Variants in R3HDM1 observed in about 807,000 individuals in gnomAD.
R3HDM1 encodes R3H domain containing 1.
R3HDM1 carries 46 observed loss-of-function variants against 141.1 expected under a neutral mutation model. That is an observed-to-expected ratio of 0.33 (90% CI 0.26 to 0.42). R3HDM1 has a LOEUF of 0.42. R3HDM1 is among the 10% of genes least tolerant of loss of function. The pLI, the probability that R3HDM1 is intolerant of heterozygous loss-of-function variation, is 1.00. For synonymous variants in R3HDM1, 435 were observed against 472.9 expected, an observed-to-expected ratio of 0.92 and a Z score of 1.04; for missense variants, 1,184 against 1,368.3, an observed-to-expected ratio of 0.87 and a Z score of 2.12.
intron 21 of R3HDM1, among the ~76,000 whole-genome samples, chr2:135,691,834 A>C (rs2072437635): frequency 6.6e-6 from 1 of 152,302 alleles, no homozygotes; most frequent in Admixed American, 6.5e-5. Context: ...CTGGAGTTAA[A>C]TAGTAAAATT....
chr2:135,704,658 A>G (rs1300073159), intron 21 of R3HDM1, among the ~76,000 whole-genome samples: 1 of 151,564 alleles, frequency 6.6e-6, no homozygotes, highest in African/African-American at 2.4e-5. Context: ...TTTAGCAGAG[A>G]TAGGGTTTCA....
Position 135,676,195 on chromosome 2 carries a change from G to A in R3HDM1, c.2307+709G>A, listed in dbSNP as rs555507045. ...ACAAAAAATAGCTAGGCAAGGTGGC[G>A]GGGCCTATAATTCCAGCTACTCGGG... On this transcript the variant is annotated intron_variant, in intron 20 of 26. Coordinates refer to ENST00000683871, the MANE Select transcript of R3HDM1 (RefSeq NM_001378107.1). 3.9e-4 allele frequency among the ~76,000 whole-genome samples: 60 copies of A among 152,120 alleles called. No individual in the cohort carries two copies. In the South Asian group the frequency reaches 5.8e-3, roughly 15 times the overall value.
rs1355488549 is a variant in R3HDM1 at position 135,621,385 on chromosome 2, A to G, written c.304-109A>G. ...AGTTTGAAGAATCCAGTTGGGTAAAATAATCTTTTTCCTCTGTACAATTCT... is the reference window on the plus strand; with the variant it reads ...AGTTTGAAGAATCCAGTTGGGTAAAGTAATCTTTTTCCTCTGTACAATTCT... On this transcript the variant is annotated intron_variant, in intron 5 of 26. Coordinates refer to ENST00000683871, the MANE Select transcript of R3HDM1 (RefSeq NM_001378107.1). 8.5e-6 allele frequency: 5 copies of G among 585,268 alleles called. No homozygotes were observed. The South Asian group carries it at 2.5e-4, about 29-fold the overall frequency. 36.3% of individuals were successfully genotyped at this position (585,268 alleles called of 1,614,324 possible). A position where few individuals can be genotyped will look rare whatever the true frequency, so the allele number is the denominator to read the frequency against.
intron 15 of R3HDM1, among the ~76,000 whole-genome samples, chr2:135,644,187 TAAG>T (rs893407614): frequency 2.0e-5 from 3 of 152,154 alleles, no homozygotes; most frequent in Non-Finnish European, 4.4e-5. Flanking sequence ...CTTTTTGTAA[TAAG>T]AAAAAGTTGT....
chr2:135,562,055 C>G (rs1701901075), intron 1 of R3HDM1, among the ~76,000 whole-genome samples: 1 of 152,156 alleles, frequency 6.6e-6, no homozygotes, highest in Non-Finnish European at 1.5e-5. Flanking sequence ...AGTCTAGATA[C>G]CGTTAACACA....
At position 135,695,106 on chromosome 2, in the gene R3HDM1, A is replaced by T. The variant is rs76492773; in HGVS notation, c.2460-14327A>T. ...AAGGCTGCTGTCGTCCTGCCTGAAA[A>T]ATCATAAAAGCAAAACCCAAAAGAA... On this transcript the variant is annotated intron_variant, in intron 21 of 26. Coordinates refer to ENST00000683871, the MANE Select transcript of R3HDM1 (RefSeq NM_001378107.1). Among the ~76,000 whole-genome samples the T allele has an allele frequency of 9.8e-3, 1,488 of 152,300 alleles. 23 individuals are homozygous for T. The highest frequency in any genetic ancestry group is 0.034 in the African/African-American group (1,421 of 41,560).
At chr2:135,704,755 A>G (rs1401206645) in intron 21 of R3HDM1, among the ~76,000 whole-genome samples, 2 of 152,154 alleles carry the variant, frequency 1.3e-5, no homozygotes, top group Admixed American at 6.6e-5. Flanking sequence ...CACCACACCC[A>G]GCCTCTTACA....
chr2:135,622,044 C>T (rs989747166), intron 6 of R3HDM1: 2 of 984,250 alleles, frequency 2.0e-6, no homozygotes, highest in Non-Finnish European at 2.4e-6. Flanking sequence ...CCTAGCATTG[C>T]AGATCAATAG....
At chr2:135,544,314 AAAG>A (rs1347436240) in intron 1 of R3HDM1, among the ~76,000 whole-genome samples, 2 of 152,206 alleles carry the variant, frequency 1.3e-5, no homozygotes, top group African/African-American at 4.8e-5. Context: ...GACTCCCAAA[AAAG>A]GACACCAGAA....
intron 21 of R3HDM1, among the ~76,000 whole-genome samples, chr2:135,693,825 T>C (rs1412016900): frequency 6.6e-6 from 1 of 151,918 alleles, no homozygotes; most frequent in Non-Finnish European, 1.5e-5. Context: ...CTGGCCAACA[T>C]AGCAAAACCA....
At chr2:135,652,952 TA>T (rs2065315081) in intron 18 of R3HDM1, among the ~76,000 whole-genome samples, 1 of 152,138 alleles carries the variant, frequency 6.6e-6, no homozygotes, top group Non-Finnish European at 1.5e-5. Context: ...TTTAGGATCT[TA>T]GTGGTATCCC....
intron 1 of R3HDM1, among the ~76,000 whole-genome samples, chr2:135,559,658 G>A (rs186282096): frequency 6.6e-6 from 1 of 152,334 alleles, no homozygotes; most frequent in East Asian, 1.9e-4. Flanking sequence ...CCTTCCTGCA[G>A]TAGGATCCAA....
chr2:135,681,861 T>C (rs1364332434), intron 21 of R3HDM1, among the ~76,000 whole-genome samples: 1 of 152,048 alleles, frequency 6.6e-6, no homozygotes, highest in African/African-American at 2.4e-5. Context: ...AGTGGGAGTT[T>C]AGTTATATAC....
In R3HDM1 at chr2:135,675,377, T is replaced by C. The variant is rs201906607; in HGVS notation, c.2198T>C (p.Val733Ala). 1.2e-6 allele frequency: 2 copies of C among 1,613,988 alleles called. No individual in the cohort carries two copies. Among genetic ancestry groups the C allele is most frequent in the East Asian group, 2.2e-5 (1 of 44,866 alleles). ...PNQQQNYQGI[V>A]GVQQPQSQSL... Reference sequence around the variant, plus strand: ...CAGCAGCAAAACTACCAAGGAATAGTTGGAGTTCAGCAACCCCAGAGTCAG... The same window carrying C: ...CAGCAGCAAAACTACCAAGGAATAGCTGGAGTTCAGCAACCCCAGAGTCAG... The change falls in exon 20 of 27, where the codon GTT becomes GCT. Residue 733 changes from valine to alanine, a missense_variant. Coordinates refer to ENST00000683871, the MANE Select transcript of R3HDM1 (RefSeq NM_001378107.1).
At chr2:135,556,112 G>C (rs914246798) in intron 1 of R3HDM1, among the ~76,000 whole-genome samples, 2 of 152,232 alleles carry the variant, frequency 1.3e-5, no homozygotes, top group South Asian at 4.2e-4. Flanking sequence ...AAAGAAGACA[G>C]TTACAAAGGA....
chr2:135,561,220 C>A, intron 1 of R3HDM1: 1 of 748,662 alleles, frequency 1.3e-6, no homozygotes, highest in South Asian at 6.0e-5. Context: ...ATGACCTGTT[C>A]CATTGATGGA....
At chr2:135,719,637 A>G (rs993574465) in intron 24 of R3HDM1, among the ~76,000 whole-genome samples, 1 of 152,178 alleles carries the variant, frequency 6.6e-6, no homozygotes, top group African/African-American at 2.4e-5. Context: ...ATGCGTTTCT[A>G]TCTATACTTT....
rs114677169 is a variant in R3HDM1, at chr2:135,661,324, C to T, written c.2083C>T (p.Arg695Cys). 2.0e-5 allele frequency: 33 copies of T among 1,613,668 alleles called. No homozygotes were observed. Among genetic ancestry groups the T allele is most frequent in the Middle Eastern group, 1.6e-4 (1 of 6,084 alleles). The change falls in exon 19 of 27, where the codon CGC becomes TGC. Residue 695 changes from arginine to cysteine, a missense_variant. Transcript: ENST00000683871. ...GHYHSSQPQY[R>C]PVPSVHYNSH... ...CTATCACTCCAGCCAACCTCAGTAT[C>T]GCCCAGTCCCTTCTGTTCATTACAA... is the stretch of plus-strand genomic sequence containing the variant.
At chr2:135,607,204 G>C in intron 3 of R3HDM1, 3 of 410,080 alleles carry the variant, frequency 7.3e-6, no homozygotes, top group Non-Finnish European at 9.8e-6. Flanking sequence ...GGCCAGGATG[G>C]TCTCGATCTC....
Sources: allele counts gnomAD v4.1 joint callset (sites outside exome capture counted in the v4.1 genomes callset), GRCh38; gene constraint gnomAD v4.1.1; transcripts MANE v1.5; gene names NCBI Gene and HGNC (gene_info 2026-07-23, HGNC 2026-07-21).